The following NOTCH2NLR variants were observed in gnomAD, a reference collection of about 807,000 sequenced individuals.
NOTCH2NLR encodes the protein notch 2 N-terminal like R (pseudogene).
NOTCH2NLR carries 33 observed loss-of-function variants against 35.6 expected under a neutral mutation model. The observed-to-expected ratio is 0.93, with a 90% CI of 0.70 to 1.24. The LOEUF (loss-of-function observed/expected upper bound fraction) is 1.24, where lower values mean the gene tolerates loss of function less well. Ranked by LOEUF, NOTCH2NLR falls within the 50% of genes most tolerant of loss-of-function variation. The pLI, the probability that NOTCH2NLR is intolerant of heterozygous loss-of-function variation, is 0.00. For missense variants in NOTCH2NLR, 276 were observed against 362.2 expected (o/e 0.76, Z 1.93); for synonymous variants, 103 against 141.0 (o/e 0.73, Z 1.91).
rs1651176425 is a variant in NOTCH2NLR, at chr1:120,765,100, A to G, written c.155+1391A>G. On this transcript the variant is annotated intron_variant, in intron 2 of 4. Transcript: ENST00000624419. ...AGGTTGTTTGGATTGGAATAAAGAT[A>G]ACATTGGAAATAAAGGTTTTATGTA... Among the ~76,000 whole-genome samples the G allele has an allele frequency of 1.8e-5, 2 of 114,246 alleles. 1 individual carries two copies. The highest frequency in any genetic ancestry group is 3.4e-5 in the Non-Finnish European group (2 of 59,012). The allele number at this position is 114,246 out of a possible 152,430, so 74.9% of individuals were successfully genotyped here. A position where few individuals can be genotyped will look rare whatever the true frequency, so the allele number is the denominator to read the frequency against.
rs1245519414 is a variant in NOTCH2NLR at position 120,790,261 on chromosome 1, G to A, written c.416-2900G>A. ...GATCGCCTGACCTCATGATCCACCCGCCTCGGCCTCCCAAAGTGCTGGGAT... is the reference window on the plus strand; with the variant it reads ...GATCGCCTGACCTCATGATCCACCCACCTCGGCCTCCCAAAGTGCTGGGAT... On this transcript the variant is annotated intron_variant, in intron 3 of 4. Coordinates refer to ENST00000624419, the Ensembl canonical transcript of NOTCH2NLR. Among the ~76,000 whole-genome samples, 7 of 108,068 alleles carry A rather than the reference G, an allele frequency of 6.5e-5. 3 individuals are homozygous for A. The highest frequency in any genetic ancestry group is 1.2e-4 in the African/African-American group (2 of 17,144). The allele number at this position is 108,068 out of a possible 152,430, so 70.9% of individuals were successfully genotyped here.
chr1:120,790,483 T>C (rs1449346511), intron 3 of NOTCH2NLR, among the ~76,000 whole-genome samples: 2 of 116,562 alleles, frequency 1.7e-5, no homozygotes, highest in Non-Finnish European at 3.3e-5. Context: ...TGCCTATACA[T>C]AATATATATG....
Position 120,783,645 on chromosome 1 carries a change from T to C in NOTCH2NLR, c.156-1329T>C, listed in dbSNP as rs1292607515. Among the ~76,000 whole-genome samples, 4 of 108,756 alleles carry C rather than the reference T, an allele frequency of 3.7e-5. 2 individuals are homozygous for C. Among genetic ancestry groups the C allele is most frequent in the African/African-American group, 2.3e-4 (4 of 17,438 alleles). The allele number at this position is 108,756 out of a possible 152,430, so 71.3% of individuals were successfully genotyped here. On this transcript the variant is annotated intron_variant, in intron 2 of 4. Coordinates refer to ENST00000624419, the Ensembl canonical transcript of NOTCH2NLR. ...ACATATGGGACTGGAACAGTGTATT[T>C]TGGAGTCAGTTACAGGAAGGAAGTT... is the stretch of plus-strand genomic sequence containing the variant.
At position 120,724,234 on chromosome 1, in the gene NOTCH2NLR, G is replaced by C. The variant is rs1241711261; in HGVS notation, c.57G>C (p.Trp19Cys). ...CGCTGCTGGCGCTCTGGCTGTGCTG[G>C]GCGGCCCCCGCGCATGGTGAGTATC... The change falls in exon 1 of 5, where the codon TGG (tryptophan) becomes TGC (cysteine). Residue 19 changes from tryptophan (W) to cysteine (C), a missense_variant. Trp to Cys is a radical substitution (Grantham distance 215). Coordinates refer to ENST00000624419, the Ensembl canonical transcript of NOTCH2NLR. 517 of 1,402,738 alleles carry C rather than the reference G, an allele frequency of 3.7e-4. 104 individuals are homozygous for C. Among genetic ancestry groups the C allele is most frequent in the East Asian group, 1.9e-3 (78 of 41,112 alleles). 86.9% of individuals were successfully genotyped at this position (1,402,738 alleles called of 1,614,324 possible).
At chr1:120,752,556 T>A (rs1248295723) in intron 1 of NOTCH2NLR, among the ~76,000 whole-genome samples, 108 of 8,104 alleles carry the variant, frequency 0.013, 1 homozygote, top group East Asian at 0.054. Context: ...ATATATATAT[T>A]TTTTTTTTTT....
chr1:120,733,082 C>T, intron 1 of NOTCH2NLR, among the ~76,000 whole-genome samples: 4 of 66,560 alleles, frequency 6.0e-5, no homozygotes, highest in Non-Finnish European at 1.0e-4. Flanking sequence ...GTTTTTTTAC[C>T]CTTAGATTTA....
intron 3 of NOTCH2NLR, among the ~76,000 whole-genome samples, chr1:120,792,724 A>T (rs1651506274): frequency 1.0e-5 from 1 of 98,308 alleles, no homozygotes; most frequent in Non-Finnish European, 1.9e-5. Context: ...CTGGTCTTGA[A>T]CTCCTTACCT....
At chr1:120,748,168 GC>G (rs1650994776) in intron 1 of NOTCH2NLR, among the ~76,000 whole-genome samples, 5 of 26,706 alleles carry the variant, frequency 1.9e-4, no homozygotes, top group South Asian at 9.5e-4. Flanking sequence ...TAGCAAGTAA[GC>G]TAGAAATGAC....
chr1:120,763,396 A>C (rs1651153782), intron 1 of NOTCH2NLR, among the ~76,000 whole-genome samples: 1 of 105,744 alleles, frequency 9.5e-6, no homozygotes, highest in African/African-American at 6.2e-5. Flanking sequence ...AGATACTAAA[A>C]CACAGAGAAA....
At chr1:120,768,194 G>A (rs1414086386) in intron 2 of NOTCH2NLR, among the ~76,000 whole-genome samples, 7 of 113,580 alleles carry the variant, frequency 6.2e-5, no homozygotes. Context: ...CTTAGTCATG[G>A]GATAGGGCTC....
At position 120,770,360 on chromosome 1, in the gene NOTCH2NLR, G is replaced by T. The variant is rs1420162159; in HGVS notation, c.155+6651G>T. 7.3e-5 allele frequency among the ~76,000 whole-genome samples: 8 copies of T among 109,876 alleles called. 2 individuals are homozygous for T. Among genetic ancestry groups the T allele is most frequent in the African/African-American group, 1.2e-4 (2 of 17,050 alleles). The allele number at this position is 109,876 out of a possible 152,430, so 72.1% of individuals were successfully genotyped here. On this transcript the variant is annotated intron_variant, in intron 2 of 4. Transcript: ENST00000624419. ...AATTTTTTGTATTTTTAGTAGAGAC[G>T]GGGTTTCACTGTGTTAGCCAGGATG...
chr1:120,762,641 C>T (rs1571024045), intron 1 of NOTCH2NLR, among the ~76,000 whole-genome samples: 1 of 41,332 alleles, frequency 2.4e-5, no homozygotes, highest in Non-Finnish European at 4.0e-5. Flanking sequence ...TATTGTTTGA[C>T]TAGGTTTCTT....
At chr1:120,790,535 C>CCTCTCTTT (rs1651475888) in intron 3 of NOTCH2NLR, among the ~76,000 whole-genome samples, 1 of 76,630 alleles carries the variant, frequency 1.3e-5, no homozygotes, top group Non-Finnish European at 2.3e-5. Flanking sequence ...TTTCTCCCTC[C>CCTCTCTTT]CTTTCTTTCT....
chr1:120,743,892 T>C (rs1169655800), intron 1 of NOTCH2NLR, among the ~76,000 whole-genome samples: 1 of 114,436 alleles, frequency 8.7e-6, no homozygotes, highest in African/African-American at 4.1e-5. Context: ...TCAGAGAGTT[T>C]GCAGCAATTA....
intron 1 of NOTCH2NLR, among the ~76,000 whole-genome samples, chr1:120,760,180 C>T (rs1319217992): frequency 1.3e-4 from 2 of 15,170 alleles, no homozygotes; most frequent in Non-Finnish European, 1.3e-4. Flanking sequence ...TCTACCACAG[C>T]TTTTTTTTTT....
rs1651074590 is a variant in NOTCH2NLR, at chr1:120,755,880, A to G, written c.74-7748A>G. Among the ~76,000 whole-genome samples, 2 of 84,468 alleles carry G rather than the reference A, an allele frequency of 2.4e-5. 1 individual carries two copies. Among genetic ancestry groups the G allele is most frequent in the Admixed American group, 2.3e-4 (2 of 8,742 alleles). 55.4% of individuals were successfully genotyped at this position (84,468 alleles called of 152,430 possible). ...CTATATGATAATATCTGTAAAGAGCACATAAATCCTTGGAACACTATTAGG... is the reference window on the plus strand; with the variant it reads ...CTATATGATAATATCTGTAAAGAGCGCATAAATCCTTGGAACACTATTAGG... On this transcript the variant is annotated intron_variant, in intron 1 of 4. Transcript: ENST00000624419.
At chr1:120,759,486 C>T (rs1651111267) in intron 1 of NOTCH2NLR, among the ~76,000 whole-genome samples, 1 of 69,004 alleles carries the variant, frequency 1.4e-5, no homozygotes. Flanking sequence ...TCTTTTTTTA[C>T]TTTATAAGCA....
At chr1:120,755,300 A>AT (rs1467467828) in intron 1 of NOTCH2NLR, among the ~76,000 whole-genome samples, 1 of 33,392 alleles carries the variant, frequency 3.0e-5, no homozygotes, top group Non-Finnish European at 4.9e-5. Flanking sequence ...GAGGTAAAAT[A>AT]TTTTTCAGGT....
rs1196229987 is a variant in NOTCH2NLR at position 120,745,239 on chromosome 1, C to T, written c.74-18389C>T. On this transcript the variant is annotated intron_variant, in intron 1 of 4. Transcript: ENST00000624419. ...TTTTTTAAACTGCAGATCATGACCA[C>T]GAATGGGTCATGAAACCAATTTGGT... Among the ~76,000 whole-genome samples the T allele has an allele frequency of 1.8e-4, 20 of 108,646 alleles. 3 individuals are homozygous for T. Among genetic ancestry groups the T allele is most frequent in the Non-Finnish European group, 2.6e-4 (15 of 57,668 alleles). The allele number at this position is 108,646 out of a possible 152,430, so 71.3% of individuals were successfully genotyped here.
Sources: allele counts gnomAD v4.1 joint callset (sites outside exome capture counted in the v4.1 genomes callset), GRCh38; gene constraint gnomAD v4.1.1; transcripts MANE v1.5; gene names NCBI Gene and HGNC (gene_info 2026-07-23, HGNC 2026-07-21).